Variants in OGDH observed in about 807,000 individuals in gnomAD.
OGDH encodes the protein oxoglutarate dehydrogenase, also known as 2-oxoglutarate dehydrogenase complex component E1.
A neutral mutation model predicts 116.6 loss-of-function variants in OGDH; 38 were observed. The ratio of observed to expected loss-of-function variants is 0.33; its 90% confidence interval spans 0.25 to 0.43. The LOEUF (loss-of-function observed/expected upper bound fraction) is 0.43, where lower values mean the gene tolerates loss of function less well. Among genes scored for constraint, OGDH ranks in the 20% least tolerant of loss-of-function variants. The pLI is 1.00. For synonymous variants in OGDH, 488 were observed against 533.3 expected (o/e 0.92, Z 1.17); for missense variants, 825 against 1,357.2 (o/e 0.61, Z 6.16).
At chr7:44,609,180 G>C (rs1361805633) in intron 1 of OGDH, among the ~76,000 whole-genome samples, 1 of 151,954 alleles carries the variant, frequency 6.6e-6, no homozygotes, top group African/African-American at 2.4e-5. Context: ...TAATTCCCTG[G>C]AGAATCATCC....
chr7:44,694,032 T>C lies in OGDH; in HGVS notation c.1515+28T>C. The C allele has an allele frequency of 6.3e-7, 1 of 1,591,054 alleles. No homozygotes were observed. The highest frequency in any genetic ancestry group is 8.6e-7 in the Non-Finnish European group (1 of 1,163,652). ...GAGTGACTCTGGGGACAGCACGTCC[T>C]GGGCAGAGCATCTGACCCACCCCTC... On this transcript the variant is annotated intron_variant, in intron 11 of 22. Coordinates refer to ENST00000222673, the MANE Select transcript of OGDH (RefSeq NM_002541.4). The surrounding 1 kb of genome is among the most constrained non-coding windows in gnomAD (Gnocchi z 4.2).
rs772301635 is a variant in OGDH at position 44,647,728 on chromosome 7, C to G, written c.486C>G (p.Pro162=). ...ILDADLDSSV[P]ADIISSTDKL... is the part of the protein sequence containing the mutation. ...ATGCTGATCTGGACTCCTCCGTGCC[C>G]GCTGACATTATCTCATCCACAGACA... is the stretch of plus-strand genomic sequence containing the variant. The change falls in exon 4 of 23, where the codon CCC becomes CCG. Residue 162 remains proline (P), a synonymous_variant. Transcript: ENST00000222673. The G allele has an allele frequency of 1.2e-6, 2 of 1,613,892 alleles. No homozygotes were observed. The highest frequency in any genetic ancestry group is 1.7e-6 in the Non-Finnish European group (2 of 1,179,984).
Position 44,693,568 on chromosome 7 carries a change from T to C in OGDH, c.1336-257T>C, listed in dbSNP as rs768515696. On this transcript the variant is annotated intron_variant, in intron 10 of 22. Coordinates refer to ENST00000222673, the MANE Select transcript of OGDH (RefSeq NM_002541.4). ...GGAAAACATCAGAATATTTACCCCA[T>C]AGCCTGTGGAATTATAGGTAACTTA... Among the ~76,000 whole-genome samples, 15 of 152,356 alleles carry C rather than the reference T, an allele frequency of 9.8e-5. No homozygotes were observed. The Middle Eastern group carries it at 0.014, about 138-fold the overall frequency.
In OGDH at chr7:44,697,958, T is replaced by C. The variant is rs1179160250; in HGVS notation, c.2358+176T>C. ...CTTCAGAAAGCCAGAGTAGCCCATC[T>C]GGATGTGGCTAGCATGCCCCGTCCC... On this transcript the variant is annotated intron_variant, in intron 17 of 22. Coordinates refer to ENST00000222673, the MANE Select transcript of OGDH (RefSeq NM_002541.4). The surrounding 1 kb of genome is among the most constrained non-coding windows in gnomAD (Gnocchi z 6.0). Among the ~76,000 whole-genome samples, 1 of 152,226 alleles carries C rather than the reference T, an allele frequency of 6.6e-6. No homozygotes were observed. The highest frequency in any genetic ancestry group is 1.5e-5 in the Non-Finnish European group (1 of 68,042).
At chr7:44,619,548 A>G (rs1294425571) in intron 1 of OGDH, among the ~76,000 whole-genome samples, 3 of 152,210 alleles carry the variant, frequency 2.0e-5, no homozygotes, top group Non-Finnish European at 4.4e-5. Flanking sequence ...AGGTTCCTCC[A>G]GGTTGGAGCA....
rs184620664 is a variant in OGDH, at chr7:44,669,377, C to T, written c.633+2526C>T. 1.6e-3 allele frequency among the ~76,000 whole-genome samples: 244 copies of T among 152,146 alleles called. 1 individual carries two copies. Among genetic ancestry groups the T allele is most frequent in the African/African-American group, 5.6e-3 (231 of 41,498 alleles). On this transcript the variant is annotated intron_variant, in intron 5 of 22. Transcript: ENST00000222673. ...ACGTTGCCCAGGCTGATCTTGAACTCCTGGAGTCAAGTGATCCTCTTGCCT... is the reference window on the plus strand; with the variant it reads ...ACGTTGCCCAGGCTGATCTTGAACTTCTGGAGTCAAGTGATCCTCTTGCCT...
At position 44,707,469 on chromosome 7, in the gene OGDH, G is replaced by T; in HGVS notation, c.2796+81G>T. ...GCCTTCACAGAACAGCCTTGCTTGG[G>T]GTGTGGCCCTCAGGTTCCTGACCTT... On this transcript the variant is annotated intron_variant, in intron 21 of 22. Coordinates refer to ENST00000222673, the MANE Select transcript of OGDH (RefSeq NM_002541.4). The surrounding 1 kb of genome is among the most constrained non-coding windows in gnomAD (Gnocchi z 5.2). 1.3e-6 allele frequency: 2 copies of T among 1,595,468 alleles called. No homozygotes were observed. Among genetic ancestry groups the T allele is most frequent in the Non-Finnish European group, 1.7e-6 (2 of 1,169,468 alleles).
At position 44,707,044 on chromosome 7, in the gene OGDH, G is replaced by A. The variant is rs1268562590; in HGVS notation, c.2633-181G>A. 6.6e-6 allele frequency among the ~76,000 whole-genome samples: 1 copy of A among 152,214 alleles called. No homozygotes were observed. The highest frequency in any genetic ancestry group is 1.5e-5 in the Non-Finnish European group (1 of 68,048). On this transcript the variant is annotated intron_variant, in intron 20 of 22. Coordinates refer to ENST00000222673, the MANE Select transcript of OGDH (RefSeq NM_002541.4). This position sits in a 1 kb window ranked among gnomAD's most constrained non-coding sequence, Gnocchi z 5.2. ...GCTGTGTATTTGTTACACGTAACGT[G>A]CTTTTCAAAGTGTGCCTGGTCTGAG... is the stretch of plus-strand genomic sequence containing the variant.
At chr7:44,691,753 G>A (rs1788372974) in intron 10 of OGDH, among the ~76,000 whole-genome samples, 2 of 151,638 alleles carry the variant, frequency 1.3e-5, no homozygotes, top group Admixed American at 1.3e-4. Context: ...CGAGGCGGGG[G>A]ATCACAAGGT....
intron 2 of OGDH, among the ~76,000 whole-genome samples, chr7:44,627,688 A>C (rs1785261612): frequency 1.3e-5 from 2 of 151,616 alleles, no homozygotes; most frequent in Non-Finnish European, 2.9e-5. Context: ...TATTTTATTT[A>C]TTTTTTTGAG....
At position 44,672,637 on chromosome 7, in the gene OGDH, G is replaced by GTTTTTTTTTTTTTTT. The variant is rs1175741464; in HGVS notation, c.634-1144_634-1143insTTTTTTTTTTTTTTT. Among the ~76,000 whole-genome samples the GTTTTTTTTTTTTTTT allele has an allele frequency of 2.2e-5, 3 of 135,840 alleles. 1 individual carries two copies. The highest frequency in any genetic ancestry group is 7.2e-5 in the Admixed American group (1 of 13,894). 89.1% of individuals were successfully genotyped at this position (135,840 alleles called of 152,430 possible). On this transcript the variant is annotated intron_variant, in intron 5 of 22. Coordinates refer to ENST00000222673, the MANE Select transcript of OGDH (RefSeq NM_002541.4). The stretch of plus-strand genomic sequence containing the variant: ...GGCAGCCCGAGAGGGATTTCTTTTT[G>GTTTTTTTTTTTTTTT]TTTTTTGTTTTTTTTTTTTTTTTGA...
chr7:44,685,547 T>A (rs1233957397), intron 10 of OGDH, among the ~76,000 whole-genome samples: 2 of 152,186 alleles, frequency 1.3e-5, no homozygotes, highest in Non-Finnish European at 2.9e-5. Context: ...ACTTCCACAT[T>A]TTCCTGTTAT....
At chr7:44,701,367 T>G (rs1788822997) in intron 19 of OGDH, among the ~76,000 whole-genome samples, 176 bp from the exon 20 acceptor site, 1 of 152,096 alleles carries the variant, frequency 6.6e-6, no homozygotes, top group Non-Finnish European at 1.5e-5. Context: ...GCAGGGAAAT[T>G]GGTCATCTTT....
At position 44,681,854 on chromosome 7, in the gene OGDH, T is replaced by C; in HGVS notation, c.1335+6T>C. On this transcript the variant is annotated splice_donor_region_variant and intron_variant, in intron 10 of 22. Transcript: ENST00000222673. ...ACGTGGTCGTCAACAACCAGGTACC[T>C]CACACCAGCCTGCGGCTTTGCTGCT... 6.2e-7 allele frequency: 1 copy of C among 1,614,034 alleles called. No homozygotes were observed. The highest frequency in any genetic ancestry group is 1.7e-5 in the Admixed American group (1 of 59,994).
chr7:44,642,602 G>A (rs1023716557), intron 2 of OGDH, among the ~76,000 whole-genome samples: 8 of 152,104 alleles, frequency 5.3e-5, no homozygotes, highest in African/African-American at 1.4e-4. Flanking sequence ...GGTAAAAACC[G>A]TAAAACCTCA....
intron 2 of OGDH, among the ~76,000 whole-genome samples, chr7:44,644,988 T>C (rs893115912): frequency 1.3e-5 from 2 of 152,174 alleles, no homozygotes; most frequent in Non-Finnish European, 2.9e-5. Context: ...ACATCCTGAA[T>C]CTGTCCCCAG....
chr7:44,646,934 A>G (rs1195100950), intron 3 of OGDH, among the ~76,000 whole-genome samples: 1 of 152,206 alleles, frequency 6.6e-6, no homozygotes, highest in Non-Finnish European at 1.5e-5. Context: ...TTTCCTACTT[A>G]GAAAAATTTT....
chr7:44,671,844 C>T (rs543525571), intron 5 of OGDH, among the ~76,000 whole-genome samples: 2 of 150,066 alleles, frequency 1.3e-5, no homozygotes, highest in Admixed American at 6.6e-5. Context: ...CTGAGGCAGG[C>T]GGATCACGAG....
chr7:44,621,877 A>T (rs1785024362), intron 1 of OGDH, among the ~76,000 whole-genome samples: 1 of 152,042 alleles, frequency 6.6e-6, no homozygotes, highest in Admixed American at 6.6e-5. Context: ...TATCAAAAAA[A>T]AAAAATCTCC....
Sources: gnomAD v4.1 joint callset for allele counts (sites outside exome capture counted in the v4.1 genomes callset) on GRCh38, gnomAD v4.1.1 for gene constraint, Gnocchi (gnomAD v3.1) non-coding constraint, MANE v1.5 for transcripts, NCBI Gene and HGNC (gene_info 2026-07-23, HGNC 2026-07-21) for gene names.